PTPRM: variants seen among roughly 807,000 people sequenced by gnomAD.
PTPRM encodes receptor-type tyrosine-protein phosphatase mu.
A neutral mutation model predicts 186.7 loss-of-function variants in PTPRM; 47 were observed. The observed-to-expected ratio is 0.25, with a 90% CI of 0.20 to 0.32. The LOEUF is 0.32. PTPRM is among the 10% of genes least tolerant of loss of function. PTPRM has a pLI of 1.00. For synonymous variants in PTPRM, 668 were observed against 674.9 expected (o/e 0.99, Z 0.16); for missense variants, 1,494 against 1,865.0 (o/e 0.80, Z 3.66).
intron 1 of PTPRM, among the ~76,000 whole-genome samples, chr18:7,680,549 A>G (rs1231832873): frequency 6.6e-6 from 1 of 152,188 alleles, no homozygotes; most frequent in African/African-American, 2.4e-5. Context: ...TTTCGGGTAG[A>G]CGTAGGAAAA....
chr18:7,969,388 A>G (rs1439739877), intron 7 of PTPRM, among the ~76,000 whole-genome samples: 3 of 133,334 alleles, frequency 2.2e-5, no homozygotes, highest in Non-Finnish European at 3.2e-5. Context: ...TAACATCTCA[A>G]TTAAAAGAAC....
intron 7 of PTPRM, among the ~76,000 whole-genome samples, chr18:7,975,081 T>C (rs1410666865): frequency 6.6e-6 from 1 of 152,160 alleles, no homozygotes; most frequent in African/African-American, 2.4e-5. Context: ...ACACACCTAT[T>C]AGAATGGCCA....
intron 2 of PTPRM, among the ~76,000 whole-genome samples, chr18:7,813,228 G>C (rs2044625282): frequency 6.6e-6 from 1 of 152,158 alleles, no homozygotes; most frequent in African/African-American, 2.4e-5. Flanking sequence ...TGAATGTAAG[G>C]GTACAGTAGA....
intron 23 of PTPRM, among the ~76,000 whole-genome samples, chr18:8,369,522 G>A (rs142627811): frequency 4.6e-5 from 7 of 152,344 alleles, no homozygotes; most frequent in African/African-American, 1.7e-4. Context: ...GGAATGGGTT[G>A]GTTAAGGGAA....
intron 3 of PTPRM, among the ~76,000 whole-genome samples, chr18:7,904,322 C>T (rs992686406): frequency 6.6e-6 from 1 of 152,144 alleles, no homozygotes; most frequent in Admixed American, 6.5e-5. Flanking sequence ...CCTGAATAGG[C>T]TTGTGTATCT....
rs768377344 is a variant in PTPRM, at chr18:7,888,204, T to A, written c.295T>A (p.Phe99Ile). The change falls in exon 3 of 33, where the codon TTT (phenylalanine) becomes ATT (isoleucine). Residue 99 changes from phenylalanine (F) to isoleucine (I), a missense_variant. This residue lies in a region of PTPRM where 296 missense variants were observed against 345.5 expected (regional missense o/e 0.86). Coordinates refer to ENST00000580170, the MANE Select transcript of PTPRM (RefSeq NM_001105244.2). The part of the protein sequence containing the change: ...LKENDTHCID[F>I]HYFVSSKSNS... ...AGAAAATGACACCCACTGCATCGATTTTCACTATTTTGTGTCCAGCAAGAG... is the reference window on the plus strand; with the variant it reads ...AGAAAATGACACCCACTGCATCGATATTCACTATTTTGTGTCCAGCAAGAG... The A allele has an allele frequency of 3.7e-6, 6 of 1,614,158 alleles. No individual in the cohort carries two copies. Among genetic ancestry groups the A allele is most frequent in the Non-Finnish European group, 3.4e-6 (4 of 1,180,034 alleles).
intron 13 of PTPRM, among the ~76,000 whole-genome samples, chr18:8,137,058 C>T (rs1160535542): frequency 6.6e-6 from 1 of 152,130 alleles, no homozygotes; most frequent in African/African-American, 2.4e-5. Context: ...CTCTTTGAAA[C>T]GCACTTGAAG....
chr18:8,106,999 TATC>T (rs1259138059), intron 11 of PTPRM, among the ~76,000 whole-genome samples: 7 of 152,332 alleles, frequency 4.6e-5, no homozygotes, highest in Non-Finnish European at 8.8e-5. Flanking sequence ...AACTATAAAA[TATC>T]ATTCAGACAA....
chr18:7,827,258 C>G (rs2045534638), intron 2 of PTPRM, among the ~76,000 whole-genome samples: 2 of 152,322 alleles, frequency 1.3e-5, no homozygotes, highest in South Asian at 2.1e-4. Flanking sequence ...AAACACAGTA[C>G]TTTCCTTCAA....
At chr18:7,811,368 C>G (rs763983919) in intron 2 of PTPRM, among the ~76,000 whole-genome samples, 1 of 152,098 alleles carries the variant, frequency 6.6e-6, no homozygotes, top group African/African-American at 2.4e-5. Context: ...AAACTCTCTC[C>G]CCACCCCGAG....
chr18:8,167,438 G>A (rs182222060), intron 14 of PTPRM, among the ~76,000 whole-genome samples: 1 of 152,352 alleles, frequency 6.6e-6, no homozygotes, highest in African/African-American at 2.4e-5. Flanking sequence ...AGGAGTCACA[G>A]TTAACATCAT....
intron 23 of PTPRM, among the ~76,000 whole-genome samples, chr18:8,357,916 CA>C (rs2095572193): frequency 1.3e-5 from 2 of 152,046 alleles, no homozygotes; most frequent in South Asian, 4.2e-4. Context: ...AGGAGAAAAC[CA>C]TATAACTTTT....
chr18:8,004,754 A>G (rs984511814), intron 7 of PTPRM, among the ~76,000 whole-genome samples: 4 of 152,188 alleles, frequency 2.6e-5, no homozygotes, highest in African/African-American at 9.6e-5. Flanking sequence ...AGAAGGAGCC[A>G]GGAGGAGAGC....
intron 1 of PTPRM, among the ~76,000 whole-genome samples, chr18:7,722,437 C>A (rs1355946105): frequency 6.6e-6 from 1 of 151,536 alleles, no homozygotes; most frequent in Non-Finnish European, 1.5e-5. Context: ...CACCGTACAC[C>A]ATCATAAAAT....
intron 22 of PTPRM, among the ~76,000 whole-genome samples, chr18:8,326,784 A>G (rs2095380032): frequency 6.6e-6 from 1 of 152,230 alleles, no homozygotes; most frequent in Non-Finnish European, 1.5e-5. Context: ...CTTATACCAT[A>G]TACAAAAATC....
intron 14 of PTPRM, among the ~76,000 whole-genome samples, chr18:8,235,476 T>G (rs12967684): frequency 0.31 from 41,755 of 136,192 alleles, 2,839 homozygotes; most frequent in Middle Eastern, 0.48. Flanking sequence ...TTTTTTTTTT[T>G]TTTAGCCTGG....
rs181671092 is a variant in PTPRM, at chr18:7,761,441, C to T, written c.74-12708C>T. On this transcript the variant is annotated intron_variant, in intron 1 of 32. Coordinates refer to ENST00000580170, the MANE Select transcript of PTPRM (RefSeq NM_001105244.2). ...GCTGAACCAGAGTTCCAGTATGATG[C>T]ACATAAAGTCCGTGTGCTTTTTGTT... Among the ~76,000 whole-genome samples, 202 of 152,302 alleles carry T rather than the reference C, an allele frequency of 1.3e-3. 1 individual carries two copies. The highest frequency in any genetic ancestry group is 2.3e-3 in the Non-Finnish European group (158 of 68,030).
chr18:7,991,459 G>A (rs535985951), intron 7 of PTPRM, among the ~76,000 whole-genome samples: 1 of 152,226 alleles, frequency 6.6e-6, no homozygotes, highest in Non-Finnish European at 1.5e-5. Context: ...AAGAACAGAG[G>A]CAAATCTAAG....
In PTPRM at chr18:7,837,387, A is replaced by G. The variant is rs144192265; in HGVS notation, c.197-50719A>G. ...TTAATTATTTCAGTCTTTTTGTTAAATTTGTCTGATAGAATTCTGAATTCC... is the reference window on the plus strand; with the variant it reads ...TTAATTATTTCAGTCTTTTTGTTAAGTTTGTCTGATAGAATTCTGAATTCC... On this transcript the variant is annotated intron_variant, in intron 2 of 32. Coordinates refer to ENST00000580170, the MANE Select transcript of PTPRM (RefSeq NM_001105244.2). Among the ~76,000 whole-genome samples the G allele has an allele frequency of 4.1e-3, 627 of 152,090 alleles. 2 individuals are homozygous for G. The highest frequency in any genetic ancestry group is 6.8e-3 in the Non-Finnish European group (465 of 67,988).
Sources: allele counts gnomAD v4.1 joint callset (sites outside exome capture counted in the v4.1 genomes callset), GRCh38; gene constraint gnomAD v4.1.1; regional missense constraint gnomAD v4.1.1; transcripts MANE v1.5; gene names NCBI Gene and HGNC (gene_info 2026-07-23, HGNC 2026-07-21).